The following CFAP298 variants were observed in gnomAD, a reference collection of about 807,000 sequenced individuals.
CFAP298 encodes the protein cilia and flagella associated protein 298, also known as cilia- and flagella-associated protein 298.
CFAP298 carries 38 observed loss-of-function variants against 41.0 expected under a neutral mutation model. The ratio of observed to expected loss-of-function variants is 0.93; its 90% CI spans 0.72 to 1.22. The LOEUF (loss-of-function observed/expected upper bound fraction) is 1.22, where lower values mean the gene tolerates loss of function less well. Ranked by LOEUF, CFAP298 falls within the 50% of genes most tolerant of loss-of-function variation. The pLI is 0.00. For missense variants in CFAP298, 348 were observed against 360.3 expected (o/e 0.97, Z 0.28); for synonymous variants, 137 against 135.3 (o/e 1.01, Z -0.09).
In CFAP298 at chr21:32,599,661, C is replaced by T. The variant is rs2038704412; in HGVS notation, c.*2202G>A. 6.6e-6 allele frequency among the ~76,000 whole-genome samples: 1 copy of T among 152,260 alleles called. No individual in the cohort carries two copies. Among genetic ancestry groups the T allele is most frequent in the Non-Finnish European group, 1.5e-5 (1 of 68,046 alleles). ...ACGTGACCCTGTGGTCCTACCACCA[C>T]TAGCTACCTGTGACCTTGGGTGAGT... On this transcript the variant is annotated 3_prime_UTR_variant, in exon 7 of 7. Transcript: ENST00000290155.
rs1165758377 is a variant in CFAP298, at chr21:32,612,144, C to T, written c.100G>A (p.Val34Ile). ...TGCACCTTGAGCCGCCCATTATAGA[C>T]CCGGGCCACCTGCACCGTGAGCTCC... ...LEELTVQVARVYNGRLKVQRL... is the reference protein window; with the variant it reads ...LEELTVQVARIYNGRLKVQRL... The change falls in exon 1 of 7, where the codon GTC becomes ATC. Residue 34 changes from valine to isoleucine, a missense_variant. Physicochemically the swap from Val to Ile is conservative, Grantham distance 29 (BLOSUM62 3). Transcript: ENST00000290155. 6.3e-7 allele frequency: 1 copy of T among 1,574,840 alleles called. No individual in the cohort carries two copies. Among genetic ancestry groups the T allele is most frequent in the Non-Finnish European group, 8.6e-7 (1 of 1,160,670 alleles).
rs1010751639 is a variant in CFAP298, at chr21:32,611,523, T to C, written c.139+582A>G. ...CCACAAGTGGCCGGCAGCTGCCCAA[T>C]GGACAGCACAGATGGGGGCCCTTCC... On this transcript the variant is annotated intron_variant, in intron 1 of 6. Coordinates refer to ENST00000290155, the MANE Select transcript of CFAP298 (RefSeq NM_021254.4). Among the ~76,000 whole-genome samples, 12 of 151,850 alleles carry C rather than the reference T, an allele frequency of 7.9e-5. No homozygotes were observed. The South Asian group carries it at 1.9e-3, about 24-fold the overall frequency.
chr21:32,601,557 A>G lies in CFAP298; in HGVS notation c.*306T>C, dbSNP rs2038737427. ...CGTGATCTGCCTGCCTCGGCCTCCCAAAGTGCTGGGATTACAGGCGTGAGC... is the reference window on the plus strand; with the variant it reads ...CGTGATCTGCCTGCCTCGGCCTCCCGAAGTGCTGGGATTACAGGCGTGAGC... On this transcript the variant is annotated 3_prime_UTR_variant, in exon 7 of 7. Coordinates refer to ENST00000290155, the MANE Select transcript of CFAP298 (RefSeq NM_021254.4). 1 of 201,326 alleles carries G rather than the reference A, an allele frequency of 5.0e-6. No homozygotes were observed. Among genetic ancestry groups the G allele is most frequent in the Non-Finnish European group, 1.0e-5 (1 of 97,334 alleles). 12.5% of individuals were successfully genotyped at this position (201,326 alleles called of 1,614,324 possible). A position where few individuals can be genotyped will look rare whatever the true frequency, so the allele number is the denominator to read the frequency against.
At position 32,607,672 on chromosome 21, in the gene CFAP298, C is replaced by A; in HGVS notation, c.352G>T (p.Glu118Ter). 1 of 1,594,260 alleles carries A rather than the reference C, an allele frequency of 6.3e-7. No individual in the cohort carries two copies. ...ACCTTAGATATTATTGCTTTGGCTT[C>A]TTCTATAGTCTTCTTTAACACTTGC... Reference protein sequence around the residue: ...MKQVLKKTIEEAKAIISKKQV... With the variant: ...MKQVLKKTIE Residue 118 changes from glutamate to a stop codon, truncating the protein, a stop_gained, in exon 3 of 7, where the codon GAA becomes TAA. Transcript: ENST00000290155. LOFTEE classifies it high-confidence loss of function.
intron 2 of CFAP298, among the ~76,000 whole-genome samples, chr21:32,609,222 T>C (rs374598387): frequency 4.6e-5 from 7 of 152,162 alleles, no homozygotes; most frequent in African/African-American, 7.2e-5. Context: ...TCTGAATACA[T>C]TGCGGTGAGG....
At chr21:32,608,224 C>CA (rs751998741) in intron 2 of CFAP298, among the ~76,000 whole-genome samples, 3,869 of 93,684 alleles carry the variant, frequency 0.041, 78 homozygotes, top group Middle Eastern at 0.08. Context: ...GCTTAGAAGC[C>CA]AAAAAAAAAA....
chr21:32,604,390 GAAATC>G, intron 3 of CFAP298, 107 bp from the exon 4 acceptor site: 1 of 1,284,808 alleles, frequency 7.8e-7, no homozygotes, highest in East Asian at 2.3e-5. Flanking sequence ...GCAACAAAAA[GAAATC>G]AAACAGTTCT....
At chr21:32,602,224 CT>C in intron 6 of CFAP298, 47 bp downstream of exon 6, 1 of 1,555,424 alleles carries the variant, frequency 6.4e-7, no homozygotes, top group Non-Finnish European at 8.9e-7. Flanking sequence ...GGCACACAGG[CT>C]ATGTGTGGGC....
rs1245013962 is a variant in CFAP298, at chr21:32,599,761, T to C, written c.*2102A>G. ...ACCACCTGCCCCCCGCCGTCACAGA[T>C]GGCTTGCAAATAAGCTACTCACGTA... On this transcript the variant is annotated 3_prime_UTR_variant, in exon 7 of 7. Coordinates refer to ENST00000290155, the MANE Select transcript of CFAP298 (RefSeq NM_021254.4). Among the ~76,000 whole-genome samples, 1 of 152,212 alleles carries C rather than the reference T, an allele frequency of 6.6e-6. No individual in the cohort carries two copies. The highest frequency in any genetic ancestry group is 2.4e-5 in the African/African-American group (1 of 41,446).
At chr21:32,602,531 T>G (rs989970436) in intron 5 of CFAP298, 164 bp from the exon 6 acceptor site, 30 of 1,428,772 alleles carry the variant, frequency 2.1e-5, no homozygotes, top group Non-Finnish European at 2.6e-5. Flanking sequence ...GCCTTGGTCT[T>G]GAGCAGCCCT....
In CFAP298 at chr21:32,601,582, C is replaced by G. The variant is rs1210873902; in HGVS notation, c.*281G>C. The G allele has an allele frequency of 8.1e-6, 2 of 246,650 alleles. No homozygotes were observed. Among genetic ancestry groups the G allele is most frequent in the African/African-American group, 4.5e-5 (2 of 44,290 alleles). 15.3% of individuals were successfully genotyped at this position (246,650 alleles called of 1,614,324 possible). A position where few individuals can be genotyped will look rare whatever the true frequency, so the allele number is the denominator to read the frequency against. On this transcript the variant is annotated 3_prime_UTR_variant, in exon 7 of 7. Coordinates refer to ENST00000290155, the MANE Select transcript of CFAP298 (RefSeq NM_021254.4). ...AAAGTGCTGGGATTACAGGCGTGAG[C>G]CACCGCGCCCGGCCAAAAGTTTAGT...
At chr21:32,606,380 TAAA>T (rs1393486477) in intron 3 of CFAP298, among the ~76,000 whole-genome samples, 1 of 151,954 alleles carries the variant, frequency 6.6e-6, no homozygotes, top group Non-Finnish European at 1.5e-5. Context: ...AGACCAAGGA[TAAA>T]AAGTACTTTC....
rs1195819755 is a variant in CFAP298, at chr21:32,599,803, G to A, written c.*2060C>T. 5.3e-5 allele frequency among the ~76,000 whole-genome samples: 8 copies of A among 152,336 alleles called. No individual in the cohort carries two copies. ...ACTCACGTACTTCCTGAGATCTGCT[G>A]CACCCAAACACACCAAGCTCAGAGA... On this transcript the variant is annotated 3_prime_UTR_variant, in exon 7 of 7. Transcript: ENST00000290155.
rs776057146 is a variant in CFAP298 at position 32,607,726 on chromosome 21, T to C, written c.308-10A>G. The stretch of plus-strand genomic sequence containing the variant: ...ATCTTCTCATTTGGAGCTATAAAAA[T>C]AAAAAGGAGAGAGGGAGAAAGAGCT... On this transcript the variant is annotated splice_polypyrimidine_tract_variant and intron_variant, in intron 2 of 6. Transcript: ENST00000290155. The C allele has an allele frequency of 6.4e-7, 1 of 1,550,670 alleles. No homozygotes were observed. The highest frequency in any genetic ancestry group is 1.4e-5 in the African/African-American group (1 of 72,850).
intron 3 of CFAP298, 53 bp downstream of exon 3, chr21:32,607,594 CAA>C (rs560584894): frequency 0.02 from 15,739 of 805,006 alleles, no homozygotes; most frequent in South Asian, 0.026. Flanking sequence ...ATTCCATCTC[CAA>C]AAAAAAAAAA....
rs1022074553 is a variant in CFAP298, at chr21:32,603,354, G to A, written c.535-62C>T. 2.4e-4 allele frequency: 374 copies of A among 1,586,060 alleles called. 1 individual carries two copies. The highest frequency in any genetic ancestry group is 6.7e-4 in the Middle Eastern group (4 of 5,994). On this transcript the variant is annotated intron_variant, in intron 4 of 6. Coordinates refer to ENST00000290155, the MANE Select transcript of CFAP298 (RefSeq NM_021254.4). ...CCCACCCAGGGGGCAGAGCCCAGCT[G>A]AGCCCCTCCCAGCAGGGGGCAGGGG...
intron 1 of CFAP298, 62 bp downstream of exon 1, chr21:32,612,043 T>C (rs1355360565): frequency 8.2e-6 from 12 of 1,468,610 alleles, no homozygotes; most frequent in Non-Finnish European, 1.1e-5. Flanking sequence ...ACCCTGCCCC[T>C]CTTTCTCCAT....
Position 32,601,109 on chromosome 21 carries a change from G to C in CFAP298, c.*754C>G, listed in dbSNP as rs1336399589. 6.6e-6 allele frequency among the ~76,000 whole-genome samples: 1 copy of C among 152,132 alleles called. No homozygotes were observed. The highest frequency in any genetic ancestry group is 1.5e-5 in the Non-Finnish European group (1 of 68,038). ...TAGACCCCGCAGCAGGGTTAGAGAA[G>C]TCTCTCCAGCAAGGCTGGGAGTTCA... On this transcript the variant is annotated 3_prime_UTR_variant, in exon 7 of 7. Coordinates refer to ENST00000290155, the MANE Select transcript of CFAP298 (RefSeq NM_021254.4).
chr21:32,603,789 T>C (rs1268733834), intron 4 of CFAP298, among the ~76,000 whole-genome samples: 2 of 152,160 alleles, frequency 1.3e-5, no homozygotes, highest in East Asian at 1.9e-4. Flanking sequence ...CAAATTTCCA[T>C]GCAAAGGGAC....
Sources: gnomAD v4.1 joint callset for allele counts (sites outside exome capture counted in the v4.1 genomes callset) on GRCh38, gnomAD v4.1.1 for gene constraint, MANE v1.5 for transcripts, NCBI Gene and HGNC (gene_info 2026-07-23, HGNC 2026-07-21) for gene names.